DDX60: variants seen among roughly 807,000 people sequenced by gnomAD.
DDX60 encodes DExD/H-box helicase 60.
A neutral mutation model predicts 212.8 loss-of-function variants in DDX60; 165 were observed. The ratio of observed to expected loss-of-function variants is 0.78; its 90% CI spans 0.68 to 0.88. The LOEUF is 0.88. Among genes scored for constraint, DDX60 ranks in the 40% least tolerant of loss-of-function variants. DDX60 has a pLI of 0.00. For synonymous variants in DDX60, 703 were observed against 685.3 expected (o/e 1.03, Z -0.40); for missense variants, 1,905 against 2,003.9 (o/e 0.95, Z 0.94).
At chr4:168,293,700 C>A in intron 7 of DDX60, 87 bp downstream of exon 7, 7 of 1,162,340 alleles carry the variant, frequency 6.0e-6, no homozygotes, top group South Asian at 3.4e-5. Context: ...CATGAAGTAC[C>A]AAATAGAGGA....
At chr4:168,237,638 A>C (rs1733675449) in intron 31 of DDX60, 53 bp downstream of exon 31, 1 of 1,448,714 alleles carries the variant, frequency 6.9e-7, no homozygotes, top group Admixed American at 1.8e-5. Context: ...CATGATAAGA[A>C]ATCTAGATAG....
chr4:168,235,580 T>C (rs1314260306), intron 33 of DDX60, among the ~76,000 whole-genome samples: 1 of 152,110 alleles, frequency 6.6e-6, no homozygotes, highest in East Asian at 1.9e-4. Context: ...TCCAGCATTG[T>C]GGGATTAGAA....
At chr4:168,278,765 G>A (rs550271351) in intron 14 of DDX60, among the ~76,000 whole-genome samples, 1 of 152,270 alleles carries the variant, frequency 6.6e-6, no homozygotes, top group East Asian at 1.9e-4. Flanking sequence ...GGAGGCGGAG[G>A]TTGCAGTGAG....
At chr4:168,267,243 TGAG>T (rs1050284634) in intron 22 of DDX60, among the ~76,000 whole-genome samples, 12 of 152,112 alleles carry the variant, frequency 7.9e-5, no homozygotes, top group Admixed American at 6.5e-5. Flanking sequence ...GGCTGCACTA[TGAG>T]AAGAATTAGT....
chr4:168,325,138 G>A, the DDX60 span, among the ~76,000 whole-genome samples: 11 of 152,284 alleles, frequency 7.2e-5, no homozygotes, highest in Middle Eastern at 6.8e-3. Flanking sequence ...AGTTTGTGAG[G>A]AGCCATTCAT....
chr4:168,285,443 CACAAAAGATG>C lies in DDX60; in HGVS notation c.1385_1394del (p.Ser462TrpfsTer10). 6.2e-7 allele frequency: 1 copy of C among 1,611,096 alleles called. No individual in the cohort carries two copies. The highest frequency in any genetic ancestry group is 8.5e-7 in the Non-Finnish European group (1 of 1,179,074). Reference sequence around the variant, plus strand: ...AAATATCTCCAGCAAATTTATCAACCACAAAAGATGACGTTGGAATAAAACCCAAATTGGG... The same window carrying C: ...AAATATCTCCAGCAAATTTATCAACCACGTTGGAATAAAACCCAAATTGGG... On this transcript the variant is annotated frameshift_variant, in exon 11 of 38. Transcript: ENST00000393743. LOFTEE classifies it high-confidence loss of function.
intron 6 of DDX60, among the ~76,000 whole-genome samples, chr4:168,300,450 G>A (rs955021603): frequency 6.6e-6 from 1 of 152,064 alleles, no homozygotes; most frequent in Admixed American, 6.6e-5. Context: ...TGAGGCAGAA[G>A]AAGTGCTTGA....
chr4:168,315,799 G>T (rs553749295), intron 1 of DDX60, among the ~76,000 whole-genome samples: 1 of 152,146 alleles, frequency 6.6e-6, no homozygotes, highest in African/African-American at 2.4e-5. Flanking sequence ...GGGTATATGT[G>T]CCACATTTTC....
At chr4:168,281,225 T>C (rs1321903244) in intron 13 of DDX60, among the ~76,000 whole-genome samples, 2 of 152,164 alleles carry the variant, frequency 1.3e-5, no homozygotes, top group African/African-American at 4.8e-5. Flanking sequence ...CATGCTATGA[T>C]ATCTGCTGCT....
At chr4:168,260,823 A>G (rs376382585) in intron 25 of DDX60, 42 bp downstream of exon 25, 5 of 1,555,346 alleles carry the variant, frequency 3.2e-6, no homozygotes, top group African/African-American at 2.7e-5. Flanking sequence ...GAATGAGTCT[A>G]ATACAATTAC....
At chr4:168,238,830 T>A (rs1436873881) in intron 30 of DDX60, among the ~76,000 whole-genome samples, 1 of 152,134 alleles carries the variant, frequency 6.6e-6, no homozygotes, top group Non-Finnish European at 1.5e-5. Flanking sequence ...ATAATCAATG[T>A]GTAATAAGAC....
At chr4:168,311,798 T>C (rs11944924) in intron 1 of DDX60, among the ~76,000 whole-genome samples, 1 of 151,948 alleles carries the variant, frequency 6.6e-6, no homozygotes, top group Non-Finnish European at 1.5e-5. Flanking sequence ...ACAAGAGAAA[T>C]AGAAGGACAT....
chr4:168,324,490 T>C, the DDX60 span, among the ~76,000 whole-genome samples: 22 of 152,194 alleles, frequency 1.4e-4, no homozygotes, highest in African/African-American at 5.1e-4. Context: ...TTTACAGCAT[T>C]TGTTGGAGGG....
rs981099055 is a variant in DDX60 at position 168,227,202 on chromosome 4, G to A, written c.4534-1526C>T. Among the ~76,000 whole-genome samples the A allele has an allele frequency of 3.1e-5, 4 of 129,784 alleles. No homozygotes were observed. The Middle Eastern group carries it at 0.011, about 363-fold the overall frequency. 85.1% of individuals were successfully genotyped at this position (129,784 alleles called of 152,430 possible). ...GCCATCTGAGCCTTGGGTTTTCTTT[G>A]TGGGAATGTTTTTTTTTTTTTAAAT... On this transcript the variant is annotated intron_variant, in intron 33 of 37. Transcript: ENST00000393743.
intron 1 of DDX60, among the ~76,000 whole-genome samples, chr4:168,313,810 T>C (rs1318380820): frequency 6.6e-6 from 1 of 152,230 alleles, no homozygotes; most frequent in South Asian, 2.1e-4. Flanking sequence ...TTAATAACTA[T>C]TTATGTCCTG....
intron 20 of DDX60, among the ~76,000 whole-genome samples, chr4:168,268,534 T>C (rs1001690813): frequency 2.6e-5 from 4 of 152,106 alleles, no homozygotes; most frequent in African/African-American, 9.7e-5. Flanking sequence ...GAGTGTGTTG[T>C]TATATCATTT....
At chr4:168,223,159 C>A (rs1227485025) in intron 35 of DDX60, among the ~76,000 whole-genome samples, 1 of 151,890 alleles carries the variant, frequency 6.6e-6, no homozygotes, top group Non-Finnish European at 1.5e-5. Flanking sequence ...AAACGGGAGA[C>A]AAGAAAATGA....
chr4:168,280,609 C>A lies in DDX60; in HGVS notation c.1723-19G>T. 6.3e-7 allele frequency: 1 copy of A among 1,592,740 alleles called. No individual in the cohort carries two copies. The highest frequency in any genetic ancestry group is 8.5e-7 in the Non-Finnish European group (1 of 1,172,774). ...TGGTCTCCTGCCCCAAAGGAAAAAA[C>A]ATCTCTTAAGACAAGTTGAAAATAT... is the stretch of plus-strand genomic sequence containing the variant. On this transcript the variant is annotated intron_variant, in intron 13 of 37. Coordinates refer to ENST00000393743, the MANE Select transcript of DDX60 (RefSeq NM_017631.6).
chr4:168,290,373 G>C (rs1696891137), intron 8 of DDX60, among the ~76,000 whole-genome samples: 1 of 146,390 alleles, frequency 6.8e-6, no homozygotes, highest in Non-Finnish European at 1.5e-5. Context: ...CTGTCACCCA[G>C]GCTGGAGTAC....
Sources: allele counts gnomAD v4.1 joint callset (sites outside exome capture counted in the v4.1 genomes callset), GRCh38; gene constraint gnomAD v4.1.1; transcripts MANE v1.5; gene names NCBI Gene and HGNC (gene_info 2026-07-23, HGNC 2026-07-21).